Variants in SMAD1 observed in about 807,000 individuals in gnomAD.
SMAD1 encodes MAD, mothers against decapentaplegic homolog 1.
Under a neutral mutation model 41.6 loss-of-function variants are expected in SMAD1, and 6 were observed. The observed-to-expected ratio is 0.14, with a 90% CI of 0.08 to 0.28. The LOEUF is 0.28. Among genes scored for constraint, SMAD1 ranks in the 10% least tolerant of loss-of-function variants. The probability of loss-of-function intolerance (pLI) is 1.00; values close to 1 mark genes in which losing one functional copy is unlikely to be tolerated. For synonymous variants in SMAD1, 206 were observed against 203.2 expected (o/e 1.01, Z -0.12); for missense variants, 379 against 582.6 (o/e 0.65, Z 3.60).
Position 145,482,812 on chromosome 4 carries a change from T to C in SMAD1, c.-177+774T>C, listed in dbSNP as rs1728266871. 6.6e-6 allele frequency: 1 copy of C among 152,216 alleles called. No homozygotes were observed. The highest frequency in any genetic ancestry group is 2.4e-5 in the African/African-American group (1 of 41,436). The allele number at this position is 152,216 out of a possible 1,614,324, so 9.4% of individuals were successfully genotyped here. On this transcript the variant is annotated intron_variant, in intron 1 of 6. Coordinates refer to ENST00000302085, the MANE Select transcript of SMAD1 (RefSeq NM_005900.3). The surrounding 1 kb of genome is among the most constrained non-coding windows in gnomAD (Gnocchi z 4.2). ...TACCGGAGTCGATTGCCTCACTGCA[T>C]GTGTATTCGTGAGTTCGCGGTTGAA...
chr4:145,538,344 A>C (rs1731728737), intron 2 of SMAD1, among the ~76,000 whole-genome samples: 1 of 152,240 alleles, frequency 6.6e-6, no homozygotes, highest in South Asian at 2.1e-4. Context: ...TGGTTTGGGA[A>C]GATTCCATCA....
chr4:145,533,463 A>T (rs1731432658), intron 2 of SMAD1, among the ~76,000 whole-genome samples: 1 of 152,198 alleles, frequency 6.6e-6, no homozygotes, highest in South Asian at 2.1e-4. Context: ...AGGCAGGAGG[A>T]TAGCTTGAGA....
At chr4:145,555,559 T>C (rs2126561755) in intron 6 of SMAD1, among the ~76,000 whole-genome samples, 1 of 152,334 alleles carries the variant, frequency 6.6e-6, no homozygotes, top group East Asian at 1.9e-4. Flanking sequence ...AATTTATTAC[T>C]TTAATGTTCC....
intron 1 of SMAD1, chr4:145,498,182 TTAA>T (rs1326514325): frequency 7.9e-5 from 12 of 152,340 alleles, no homozygotes; most frequent in African/African-American, 2.9e-4. Context: ...ATTTGAACAG[TTAA>T]TAAAAAGGGG....
At chr4:145,537,374 G>A (rs922413417) in intron 2 of SMAD1, among the ~76,000 whole-genome samples, 4 of 152,132 alleles carry the variant, frequency 2.6e-5, no homozygotes, top group African/African-American at 9.7e-5. Flanking sequence ...CTGGGGAATG[G>A]AGGAGAGAGA....
At chr4:145,503,370 G>A (rs1729576616) in intron 1 of SMAD1, among the ~76,000 whole-genome samples, 1 of 152,148 alleles carries the variant, frequency 6.6e-6, no homozygotes, top group Non-Finnish European at 1.5e-5. Flanking sequence ...GCGAAATAGA[G>A]TTCATTATAG....
At chr4:145,552,685 C>T (rs1471092571) in intron 5 of SMAD1, among the ~76,000 whole-genome samples, 1 of 152,118 alleles carries the variant, frequency 6.6e-6, no homozygotes, top group African/African-American at 2.4e-5. Context: ...CTTCTTCCAC[C>T]TGTGGCTTTC....
chr4:145,480,911 G>C (rs972677764), upstream of SMAD1, among the ~76,000 whole-genome samples: 1 of 135,862 alleles, frequency 7.4e-6, no homozygotes, highest in Non-Finnish European at 1.5e-5. Flanking sequence ...TACATTGCTG[G>C]GAGTGATTTT....
At chr4:145,553,730 C>G (rs1732684266) in intron 5 of SMAD1, 54 bp from the exon 6 acceptor site, 3 of 1,530,296 alleles carry the variant, frequency 2.0e-6, no homozygotes, top group Non-Finnish European at 2.7e-6. Flanking sequence ...GCACAGGTGC[C>G]TTTGAGCTGT....
chr4:145,508,989 A>G (rs1373162418), intron 1 of SMAD1, among the ~76,000 whole-genome samples: 1 of 152,128 alleles, frequency 6.6e-6, no homozygotes, highest in Non-Finnish European at 1.5e-5. Context: ...GAATTTAGGG[A>G]GGGGATACAA....
At position 145,558,368 on chromosome 4, in the gene SMAD1, T is replaced by G. The variant is rs1374806970; in HGVS notation, c.*434T>G. 6.6e-6 allele frequency among the ~76,000 whole-genome samples: 1 copy of G among 152,232 alleles called. No individual in the cohort carries two copies. The highest frequency in any genetic ancestry group is 1.5e-5 in the Non-Finnish European group (1 of 68,040). On this transcript the variant is annotated 3_prime_UTR_variant, in exon 7 of 7. Transcript: ENST00000302085. ...TCAGGTTTAGAGCCCATGTTGAGTC[T>G]TCTTTTCATGGGTTTTCATAATATT... is the stretch of plus-strand genomic sequence containing the variant.
intron 6 of SMAD1, among the ~76,000 whole-genome samples, 157 bp downstream of exon 6, chr4:145,554,197 T>C (rs566429342): frequency 6.6e-6 from 1 of 152,186 alleles, no homozygotes; most frequent in South Asian, 2.1e-4. Context: ...AACAAAAATT[T>C]CAATTATTAG....
At chr4:145,552,475 G>GT (rs1405860106) in intron 5 of SMAD1, among the ~76,000 whole-genome samples, 2 of 152,070 alleles carry the variant, frequency 1.3e-5, no homozygotes, top group Non-Finnish European at 2.9e-5. Flanking sequence ...GTGAGAATGG[G>GT]TTTTTTTACC....
intron 2 of SMAD1, among the ~76,000 whole-genome samples, chr4:145,532,690 C>G (rs1034247690): frequency 6.6e-6 from 1 of 152,194 alleles, no homozygotes; most frequent in Admixed American, 6.5e-5. Context: ...AAACAAGGGT[C>G]ACCTTAGTGC....
intron 1 of SMAD1, among the ~76,000 whole-genome samples, chr4:145,505,574 G>A (rs1267806720): frequency 6.0e-5 from 9 of 150,524 alleles, no homozygotes; most frequent in East Asian, 2.0e-4. Flanking sequence ...AGCCGAGATC[G>A]CGCCACTGCA....
chr4:145,546,715 T>C lies in SMAD1; in HGVS notation c.788T>C (p.Val263Ala). 4 of 1,612,812 alleles carry C rather than the reference T, an allele frequency of 2.5e-6. No homozygotes were observed. The highest frequency in any genetic ancestry group is 3.4e-6 in the Non-Finnish European group (4 of 1,179,620). ...TTCTTTCCTCTAGATGTTCAGGCGGTTGCTTATGAGGAACCAAAACACTGG... is the reference window on the plus strand; with the variant it reads ...TTCTTTCCTCTAGATGTTCAGGCGGCTGCTTATGAGGAACCAAAACACTGG... ...SEINRGDVQAVAYEEPKHWCS... is the reference protein window; with the variant it reads ...SEINRGDVQAAAYEEPKHWCS... The change falls in exon 5 of 7, where the codon GTT (valine) becomes GCT (alanine). Residue 263 changes from valine to alanine, a missense_variant. Val to Ala is a moderately conservative substitution (Grantham distance 64). This residue lies in a region of SMAD1 where 208 missense variants were observed against 210.5 expected (regional missense o/e 0.99). Transcript: ENST00000302085.
rs563264979 is a variant in SMAD1 at position 145,493,101 on chromosome 4, C to G, written c.-177+11063C>G. ...TCACCTTCAGGCTCACAACTTGGCC[C>G]ACTAGCATCCCCTACCCATCCTTAA... On this transcript the variant is annotated intron_variant, in intron 1 of 6. Coordinates refer to ENST00000302085, the MANE Select transcript of SMAD1 (RefSeq NM_005900.3). Among the ~76,000 whole-genome samples, 195 of 152,270 alleles carry G rather than the reference C, an allele frequency of 1.3e-3. 1 individual carries two copies. The highest frequency in any genetic ancestry group is 4.6e-3 in the African/African-American group (191 of 41,550).
chr4:145,538,303 G>A (rs1731727212), intron 2 of SMAD1, among the ~76,000 whole-genome samples: 1 of 152,150 alleles, frequency 6.6e-6, no homozygotes. Context: ...ACTATTGAAA[G>A]GTAGAAGAAG....
chr4:145,544,021 A>G (rs1446646489), intron 4 of SMAD1, among the ~76,000 whole-genome samples: 3 of 152,190 alleles, frequency 2.0e-5, no homozygotes, highest in African/African-American at 7.2e-5. Flanking sequence ...CACATTATAC[A>G]GTGGTAACTG....
Sources: allele counts gnomAD v4.1 joint callset (sites outside exome capture counted in the v4.1 genomes callset), GRCh38; gene constraint gnomAD v4.1.1; regional missense constraint gnomAD v4.1.1; non-coding constraint Gnocchi (gnomAD v3.1); transcripts MANE v1.5; gene names NCBI Gene and HGNC (gene_info 2026-07-23, HGNC 2026-07-21).